RBBP4: variants seen among roughly 807,000 people sequenced by gnomAD.
RBBP4 encodes the protein histone-binding protein RBBP4.
In RBBP4, 3 loss-of-function variants were observed where a neutral mutation model predicts 57.2. That is an observed-to-expected ratio of 0.05 (90% CI 0.02 to 0.14). The LOEUF is 0.14. Ranked by LOEUF, RBBP4 falls within the 10% of genes least tolerant of loss-of-function variation. The probability of loss-of-function intolerance (pLI) is 1.00; values close to 1 mark genes in which losing one functional copy is unlikely to be tolerated. For synonymous variants in RBBP4, 151 were observed against 171.5 expected (o/e 0.88, Z 0.93); for missense variants, 107 against 520.6 (o/e 0.21, Z 7.73).
At chr1:32,667,020 C>T (rs1648683598) in intron 3 of RBBP4, among the ~76,000 whole-genome samples, 1 of 152,184 alleles carries the variant, frequency 6.6e-6, no homozygotes, top group Non-Finnish European at 1.5e-5. Flanking sequence ...AGCGGTAACA[C>T]CATTGCCTGG....
chr1:32,676,427 A>T (rs534528930), intron 11 of RBBP4, among the ~76,000 whole-genome samples: 1 of 152,086 alleles, frequency 6.6e-6, no homozygotes, highest in East Asian at 1.9e-4. Flanking sequence ...CAACATAGTG[A>T]AACCCCATCT....
rs1262916566 is a variant in RBBP4, at chr1:32,681,976, C to A, written c.*2271C>A. The A allele has an allele frequency of 2.2e-6, 2 of 912,990 alleles. No homozygotes were observed. Among genetic ancestry groups the A allele is most frequent in the Admixed American group, 2.1e-5 (1 of 47,716 alleles). The allele number at this position is 912,990 out of a possible 1,614,324, so 56.6% of individuals were successfully genotyped here. On this transcript the variant is annotated 3_prime_UTR_variant, in exon 12 of 12. Coordinates refer to ENST00000373493, the MANE Select transcript of RBBP4 (RefSeq NM_005610.3). ...TTATGGATGATCAGGGATGACTTTC[C>A]CCTAGCAAATATTTGGATGCCTCCT...
chr1:32,652,079 A>G lies in RBBP4; in HGVS notation c.164+18A>G, dbSNP rs1342419016. 1 of 1,600,602 alleles carries G rather than the reference A, an allele frequency of 6.2e-7. No individual in the cohort carries two copies. The highest frequency in any genetic ancestry group is 8.5e-7 in the Non-Finnish European group (1 of 1,173,212). On this transcript the variant is annotated intron_variant, in intron 2 of 11. Transcript: ENST00000373493. ...GTAACCAGGTGACATGACTCTCCCG[A>G]ACGTTATTTTGATGTATTTTCAGTG... is the stretch of plus-strand genomic sequence containing the variant.
chr1:32,675,964 G>A (rs1181752723), intron 11 of RBBP4, among the ~76,000 whole-genome samples: 3 of 152,064 alleles, frequency 2.0e-5, no homozygotes, highest in Admixed American at 2.0e-4. Context: ...GTACGTGCCT[G>A]TGATCCCAGC....
chr1:32,657,701 G>A (rs1051008291), intron 3 of RBBP4, 129 bp downstream of exon 3: 5 of 1,053,420 alleles, frequency 4.7e-6, no homozygotes, highest in Non-Finnish European at 6.7e-6. Context: ...TGCAATGGTA[G>A]GTATTTATAT....
At chr1:32,661,741 T>C (rs543784565) in intron 3 of RBBP4, among the ~76,000 whole-genome samples, 173 of 152,014 alleles carry the variant, frequency 1.1e-3, no homozygotes, top group African/African-American at 4.0e-3. Flanking sequence ...CCATTCTGAC[T>C]GGTGTGAGAG....
rs1360555471 is a variant in RBBP4, at chr1:32,682,305, C to A, written c.*2600C>A. ...GTGTGATGGCTTATGCCTGTAATCCCAGCTACTTAGCAGGCTGAGGCAGGA... is the reference window on the plus strand; with the variant it reads ...GTGTGATGGCTTATGCCTGTAATCCAAGCTACTTAGCAGGCTGAGGCAGGA... On this transcript the variant is annotated 3_prime_UTR_variant, in exon 12 of 12. Coordinates refer to ENST00000373493, the MANE Select transcript of RBBP4 (RefSeq NM_005610.3). 6.3e-6 allele frequency: 1 copy of A among 159,180 alleles called. No individual in the cohort carries two copies. Among genetic ancestry groups the A allele is most frequent in the Non-Finnish European group, 1.4e-5 (1 of 72,888 alleles). The allele number at this position is 159,180 out of a possible 1,614,324, so 9.9% of individuals were successfully genotyped here. A position where few individuals can be genotyped will look rare whatever the true frequency, so the allele number is the denominator to read the frequency against.
rs1183331838 is a variant in RBBP4 at position 32,684,235 on chromosome 1, T to C, written c.*4530T>C. The C allele has an allele frequency of 1.2e-6, 2 of 1,613,990 alleles. No homozygotes were observed. The highest frequency in any genetic ancestry group is 2.2e-5 in the East Asian group (1 of 44,890). On this transcript the variant is annotated 3_prime_UTR_variant, in exon 12 of 12. Coordinates refer to ENST00000373493, the MANE Select transcript of RBBP4 (RefSeq NM_005610.3). Reference sequence around the variant, plus strand: ...TCCCCTCAGCCAGTATTAGATGAGATTTGTATAGCAGCAGAAACTGACTTA... The same window carrying C: ...TCCCCTCAGCCAGTATTAGATGAGACTTGTATAGCAGCAGAAACTGACTTA...
In RBBP4 at chr1:32,685,042, G is replaced by A. The variant is rs634717; in HGVS notation, c.*5337G>A. ...TCTTCTTTATTTTTGTATAGAGACAGGGTCTCGCTATGTTGCCCAGGCTGG... is the reference window on the plus strand; with the variant it reads ...TCTTCTTTATTTTTGTATAGAGACAAGGTCTCGCTATGTTGCCCAGGCTGG... On this transcript the variant is annotated 3_prime_UTR_variant, in exon 12 of 12. Transcript: ENST00000373493. 0.86 allele frequency: 131,278 copies of A among 152,178 alleles called. 58,161 individuals carry two copies. Among genetic ancestry groups the A allele is most frequent in the Non-Finnish European group, 0.96 (65,647 of 68,092 alleles). The allele number at this position is 152,178 out of a possible 1,614,324, so 9.4% of individuals were successfully genotyped here. A position where few individuals can be genotyped will look rare whatever the true frequency, so the allele number is the denominator to read the frequency against.
chr1:32,677,542 A>G (rs901764549), intron 11 of RBBP4, among the ~76,000 whole-genome samples: 5 of 152,158 alleles, frequency 3.3e-5, no homozygotes, highest in African/African-American at 1.2e-4. Flanking sequence ...TCTGTGAGTC[A>G]TTCCATCAAA....
rs115725675 is a variant in RBBP4 at position 32,681,497 on chromosome 1, T to C, written c.*1792T>C. ...TGGTTTGGGTCAACACAAGGCAAGATACATTCTTTAAAATACTCCCAGATG... is the reference window on the plus strand; with the variant it reads ...TGGTTTGGGTCAACACAAGGCAAGACACATTCTTTAAAATACTCCCAGATG... On this transcript the variant is annotated 3_prime_UTR_variant, in exon 12 of 12. Coordinates refer to ENST00000373493, the MANE Select transcript of RBBP4 (RefSeq NM_005610.3). 482 of 279,386 alleles carry C rather than the reference T, an allele frequency of 1.7e-3. 2 individuals carry two copies. The highest frequency in any genetic ancestry group is 1.0e-2 in the African/African-American group (457 of 45,762). 17.3% of individuals were successfully genotyped at this position (279,386 alleles called of 1,614,324 possible).
At chr1:32,662,172 C>T (rs900849237) in intron 3 of RBBP4, 2 of 309,394 alleles carry the variant, frequency 6.5e-6, no homozygotes, top group Non-Finnish European at 1.3e-5. Context: ...GCTTGAGCCA[C>T]CGCGCCCGGG....
chr1:32,659,893 G>C (rs1424257793), intron 3 of RBBP4, among the ~76,000 whole-genome samples: 2 of 152,118 alleles, frequency 1.3e-5, no homozygotes, highest in African/African-American at 4.8e-5. Flanking sequence ...TTTTGCTATA[G>C]AAATACTTTC....
rs1198980674 is a variant in RBBP4, at chr1:32,669,954, C to G, written c.966+391C>G. Among the ~76,000 whole-genome samples, 2 of 152,200 alleles carry G rather than the reference C, an allele frequency of 1.3e-5. No individual in the cohort carries two copies. The highest frequency in any genetic ancestry group is 1.5e-5 in the Non-Finnish European group (1 of 68,044). ...GGCACACATGTGCTTTATGCCGTTG[C>G]TAAAAATAGAAATCTATATGCCTAT... On this transcript the variant is annotated intron_variant, in intron 8 of 11. Coordinates refer to ENST00000373493, the MANE Select transcript of RBBP4 (RefSeq NM_005610.3). This position sits in a 1 kb window ranked among gnomAD's most constrained non-coding sequence, Gnocchi z 4.9.
chr1:32,675,311 C>G (rs1649051611), intron 11 of RBBP4, among the ~76,000 whole-genome samples: 1 of 151,760 alleles, frequency 6.6e-6, no homozygotes, highest in Admixed American at 6.6e-5. Context: ...GCTGGAATTA[C>G]AGGCGTGAGC....
At chr1:32,676,612 C>CA (rs1229475952) in intron 11 of RBBP4, among the ~76,000 whole-genome samples, 17,616 of 57,564 alleles carry the variant, frequency 0.31, 1,684 homozygotes, top group African/African-American at 0.4. Context: ...AACTCCATCT[C>CA]AAAAAAAAAA....
Position 32,672,715 on chromosome 1 carries a change from T to G in RBBP4, c.1101+16T>G. On this transcript the variant is annotated intron_variant, in intron 10 of 11. Coordinates refer to ENST00000373493, the MANE Select transcript of RBBP4 (RefSeq NM_005610.3). The stretch of plus-strand genomic sequence containing the variant: ...AGAGTTGTTGGTATGTTAAAAGCAT[T>G]GGACAGTACTGAAATAGTCTGTAAT... 1.2e-6 allele frequency: 2 copies of G among 1,612,282 alleles called. No individual in the cohort carries two copies. The highest frequency in any genetic ancestry group is 1.7e-6 in the Non-Finnish European group (2 of 1,178,322).
At position 32,669,265 on chromosome 1, in the gene RBBP4, A is replaced by G; in HGVS notation, c.796A>G (p.Ser266Gly). The change falls in exon 7 of 12, where the codon AGC becomes GGC. Residue 266 changes from serine (S) to glycine (G), a missense_variant. Around this residue, in one of 3 missense-constraint regions of RBBP4, gnomAD observed 92 missense variants for 408.5 expected, o/e 0.23. Coordinates refer to ENST00000373493, the MANE Select transcript of RBBP4 (RefSeq NM_005610.3). The surrounding 1 kb of genome is among the most constrained non-coding windows in gnomAD (Gnocchi z 4.9). Reference sequence around the variant, plus strand: ...TCGTTCAAACAATACTTCCAAACCAAGCCACTCAGTTGATGCTCACACTGC... The same window carrying G: ...TCGTTCAAACAATACTTCCAAACCAGGCCACTCAGTTGATGCTCACACTGC... ...DTRSNNTSKP[S>G]HSVDAHTAEV... 6.2e-7 allele frequency: 1 copy of G among 1,612,918 alleles called. No individual in the cohort carries two copies. The highest frequency in any genetic ancestry group is 8.5e-7 in the Non-Finnish European group (1 of 1,180,006).
chr1:32,654,442 A>C (rs775610948), intron 2 of RBBP4, among the ~76,000 whole-genome samples: 9 of 152,190 alleles, frequency 5.9e-5, no homozygotes, highest in African/African-American at 1.4e-4. Flanking sequence ...TTCCACATTT[A>C]CTATAGTCAT....
Sources: allele counts gnomAD v4.1 joint callset (sites outside exome capture counted in the v4.1 genomes callset), GRCh38; gene constraint gnomAD v4.1.1; regional missense constraint gnomAD v4.1.1; non-coding constraint Gnocchi (gnomAD v3.1); transcripts MANE v1.5; gene names NCBI Gene and HGNC (gene_info 2026-07-23, HGNC 2026-07-21).